ZC4H2: variants seen among roughly 807,000 people sequenced by gnomAD.
ZC4H2 encodes zinc finger C4H2 domain-containing protein.
For missense variants in ZC4H2, 137 were observed against 173.9 expected (o/e 0.79, Z 1.19); for synonymous variants, 84 against 66.3 (o/e 1.27, Z -1.30).
intron 3 of ZC4H2, chrX:64,919,485 C>T (rs1414344159): frequency 7.5e-6 from 2 of 267,443 alleles, no homozygotes; most frequent in Non-Finnish European, 1.3e-5. Context: ...CTATCTCATG[C>T]TCTTTTGAGT....
chrX:64,981,067 C>T (rs922461703), upstream of ZC4H2, among the ~76,000 whole-genome samples: 6 of 108,561 alleles, frequency 5.5e-5, no homozygotes, highest in Middle Eastern at 4.2e-3. Flanking sequence ...CCAGGCAGAA[C>T]GAATAGCCGG....
intron 1 of ZC4H2, among the ~76,000 whole-genome samples, chrX:64,973,771 T>C (rs1931856567): frequency 8.9e-6 from 1 of 111,801 alleles, no homozygotes; most frequent in South Asian, 3.7e-4. Context: ...GATTTATGGG[T>C]TGTCACTTCT....
chrX:64,988,578 GT>G (rs771994736), intron 1 of ZC4H2, among the ~76,000 whole-genome samples: 94 of 110,320 alleles, frequency 8.5e-4, no homozygotes, highest in African/African-American at 3.0e-3. Flanking sequence ...TTTTTGATGG[GT>G]TTGTTTTTTT....
intron 1 of ZC4H2, among the ~76,000 whole-genome samples, chrX:65,028,540 T>TG (rs1932903270): frequency 9.0e-6 from 1 of 110,668 alleles, no homozygotes; most frequent in Non-Finnish European, 1.9e-5. Context: ...TTGGGGATTT[T>TG]TTTTTTTTTG....
chrX:64,936,380 C>T (rs190767256), intron 1 of ZC4H2, among the ~76,000 whole-genome samples: 9 of 111,314 alleles, frequency 8.1e-5, no homozygotes, highest in African/African-American at 2.6e-4. Context: ...CTTCACTAGC[C>T]TAGCAACACA....
intron 1 of ZC4H2, among the ~76,000 whole-genome samples, chrX:64,936,531 G>A (rs1204130019): frequency 3.6e-5 from 4 of 111,727 alleles, no homozygotes; most frequent in Non-Finnish European, 7.5e-5. Flanking sequence ...GAGAAAGGTC[G>A]GGTTACCCAC....
intron 1 of ZC4H2, among the ~76,000 whole-genome samples, chrX:64,955,822 G>A (rs1931133353): frequency 8.9e-6 from 1 of 112,095 alleles, no homozygotes; most frequent in Non-Finnish European, 1.9e-5. Context: ...CTTATACTTT[G>A]ACAGATAAAA....
chrX:64,966,053 T>C (rs1439021274), intron 1 of ZC4H2, among the ~76,000 whole-genome samples: 1 of 110,560 alleles, frequency 9.0e-6, no homozygotes, highest in Non-Finnish European at 1.9e-5. Flanking sequence ...ATCAAGTGTC[T>C]GGTAAAAATG....
chrX:64,942,192 T>G (rs755538979), intron 1 of ZC4H2, among the ~76,000 whole-genome samples: 3 of 111,771 alleles, frequency 2.7e-5, no homozygotes, highest in Non-Finnish European at 5.6e-5. Flanking sequence ...AAGGTGTTTT[T>G]AGTATTCTCT....
chrX:64,959,881 ATG>A (rs1215829626), intron 1 of ZC4H2, among the ~76,000 whole-genome samples: 1 of 111,451 alleles, frequency 9.0e-6, no homozygotes, highest in East Asian at 2.8e-4. Flanking sequence ...AATGTAAAAT[ATG>A]TGTCTTAAAT....
chrX:64,980,029 T>C (rs1932052295), upstream of ZC4H2, among the ~76,000 whole-genome samples: 2 of 112,164 alleles, frequency 1.8e-5, no homozygotes, highest in Admixed American at 1.9e-4. Flanking sequence ...AACAGTGAAC[T>C]AAACTAAAAG....
chrX:64,936,723 T>C lies in ZC4H2; in HGVS notation c.54-14735A>G, dbSNP rs1298665799. On this transcript the variant is annotated intron_variant, in intron 1 of 4. Coordinates refer to ENST00000374839, the MANE Select transcript of ZC4H2 (RefSeq NM_018684.4). The stretch of plus-strand genomic sequence containing the variant: ...AAATCCTTTACAGACAAGCAAATGC[T>C]GAGAGATTCTGTCACCACCAGGCCT... Among the ~76,000 whole-genome samples, 3 of 111,796 alleles carry C rather than the reference T, an allele frequency of 2.7e-5. No homozygotes were observed. The Admixed American group carries it at 2.9e-4, about 11-fold the overall frequency.
At chrX:64,958,029 G>A (rs1199698308) in intron 1 of ZC4H2, among the ~76,000 whole-genome samples, 1 of 110,879 alleles carries the variant, frequency 9.0e-6, no homozygotes, top group Non-Finnish European at 1.9e-5. Context: ...AATACCTCCT[G>A]GAAGTCCAGC....
intron 1 of ZC4H2, among the ~76,000 whole-genome samples, chrX:65,005,031 G>A (rs767613666): frequency 2.2e-4 from 25 of 111,581 alleles, no homozygotes; most frequent in Non-Finnish European, 4.0e-4. Context: ...AAAGGGATGT[G>A]AAGGACCTCT....
chrX:64,973,846 A>AT (rs377344835), intron 1 of ZC4H2, among the ~76,000 whole-genome samples: 24 of 108,451 alleles, frequency 2.2e-4, no homozygotes, highest in Admixed American at 3.9e-4. Context: ...TGTCATTCTA[A>AT]TTTTTTTTTT....
chrX:64,943,298 T>C (rs988798541), intron 1 of ZC4H2, among the ~76,000 whole-genome samples: 1 of 112,309 alleles, frequency 8.9e-6, no homozygotes, highest in African/African-American at 3.2e-5. Flanking sequence ...GAGAAGAATG[T>C]ATATTCTGTT....
intron 1 of ZC4H2, among the ~76,000 whole-genome samples, chrX:64,953,825 C>A (rs1407822090): frequency 9.0e-6 from 1 of 111,315 alleles, no homozygotes; most frequent in Non-Finnish European, 1.9e-5. Flanking sequence ...TGGGTATATA[C>A]CCAAAGGACT....
At chrX:64,938,780 A>G (rs1930134457) in intron 1 of ZC4H2, among the ~76,000 whole-genome samples, 1 of 111,963 alleles carries the variant, frequency 8.9e-6, no homozygotes, top group Non-Finnish European at 1.9e-5. Context: ...TATCAATGAA[A>G]TGTATCTCAA....
At chrX:64,931,849 G>C (rs1463931083) in intron 1 of ZC4H2, among the ~76,000 whole-genome samples, 1 of 111,636 alleles carries the variant, frequency 9.0e-6, no homozygotes, top group Non-Finnish European at 1.9e-5. Context: ...ATAATGTTTT[G>C]TAAATATATG....
Sources: allele counts gnomAD v4.1 joint callset (sites outside exome capture counted in the v4.1 genomes callset), GRCh38; gene constraint gnomAD v4.1.1; transcripts MANE v1.5; gene names NCBI Gene and HGNC (gene_info 2026-07-23, HGNC 2026-07-21).